OPCML: variants seen among roughly 807,000 people sequenced by gnomAD.
OPCML encodes the protein opioid-binding protein/cell adhesion molecule.
A neutral mutation model predicts 37.8 loss-of-function variants in OPCML; 13 were observed. The observed-to-expected ratio is 0.34, with a 90% CI of 0.22 to 0.55. The LOEUF (loss-of-function observed/expected upper bound fraction) is 0.55, where lower values mean the gene tolerates loss of function less well. OPCML is among the 20% of genes least tolerant of loss of function. The pLI is 0.91. For synonymous variants in OPCML, 176 were observed against 168.8 expected (o/e 1.04, Z -0.33); for missense variants, 341 against 435.6 (o/e 0.78, Z 1.93).
intron 1 of OPCML, among the ~76,000 whole-genome samples, chr11:133,013,734 G>T (rs1278628375): frequency 6.6e-6 from 1 of 152,200 alleles, no homozygotes; most frequent in Non-Finnish European, 1.5e-5. Context: ...GTATCCCACT[G>T]AATCCTCAAG....
intron 7 of OPCML, among the ~76,000 whole-genome samples, chr11:132,434,104 C>G (rs1218927280): frequency 1.3e-5 from 2 of 152,156 alleles, no homozygotes; most frequent in African/African-American, 4.8e-5. Context: ...AGCAATCCCA[C>G]CAACCATGGG....
chr11:133,489,565 G>A (rs1234092683), intron 1 of OPCML, among the ~76,000 whole-genome samples: 5 of 152,076 alleles, frequency 3.3e-5, no homozygotes, highest in Non-Finnish European at 7.4e-5. Context: ...TTATTAAAAA[G>A]TCAAAAAACA....
Position 133,422,402 on chromosome 11 carries a change from T to TGC in OPCML, c.61+109860_61+109861dup, listed in dbSNP as rs1555156363. On this transcript the variant is annotated intron_variant, in intron 1 of 7. Transcript: ENST00000524381. ...TTATATATATATATATATGTATATATGCGCCAGTTCAAACCCTTGCCCCAC... is the reference window on the plus strand; with the variant it reads ...TTATATATATATATATATGTATATATGCGCGCCAGTTCAAACCCTTGCCCCAC... The TGC allele has an allele frequency of 5.3e-6, 5 of 951,324 alleles. No individual in the cohort carries two copies. In the African/African-American group the frequency reaches 1.0e-4, roughly 20 times the overall value. The allele number at this position is 951,324 out of a possible 1,614,324, so 58.9% of individuals were successfully genotyped here. A position where few individuals can be genotyped will look rare whatever the true frequency, so the allele number is the denominator to read the frequency against.
intron 2 of OPCML, among the ~76,000 whole-genome samples, chr11:132,794,724 A>C (rs1480784283): frequency 6.6e-6 from 1 of 152,162 alleles, no homozygotes; most frequent in Admixed American, 6.5e-5. Flanking sequence ...TACCCATACA[A>C]AGATGTGACT....
intron 1 of OPCML, among the ~76,000 whole-genome samples, chr11:133,261,362 T>C (rs779648951): frequency 6.6e-6 from 1 of 152,236 alleles, no homozygotes; most frequent in Non-Finnish European, 1.5e-5. Flanking sequence ...CCCCCCCATC[T>C]TTCCAGTCTT....
intron 2 of OPCML, among the ~76,000 whole-genome samples, chr11:132,828,876 C>T (rs1486427674): frequency 6.6e-6 from 1 of 152,140 alleles, no homozygotes; most frequent in East Asian, 1.9e-4. Flanking sequence ...ACTGGCTGGC[C>T]GTGGGCTGGA....
In OPCML at chr11:133,206,869, T is replaced by G. The variant is rs921050891; in HGVS notation, c.62-263859A>C. ...ACAGCTACGGTGACCTATTCATGTC[T>G]TAGGACGGGTAGGTGGAGGGAGCCT... On this transcript the variant is annotated intron_variant, in intron 1 of 7. Transcript: ENST00000524381. This position sits in a 1 kb window ranked among gnomAD's most constrained non-coding sequence, Gnocchi z 4.7. Among the ~76,000 whole-genome samples, 9 of 152,176 alleles carry G rather than the reference T, an allele frequency of 5.9e-5. No individual in the cohort carries two copies. Among genetic ancestry groups the G allele is most frequent in the African/African-American group, 2.2e-4 (9 of 41,442 alleles).
chr11:132,970,691 A>G (rs1401447094), intron 1 of OPCML, among the ~76,000 whole-genome samples: 1 of 152,106 alleles, frequency 6.6e-6, no homozygotes, highest in African/African-American at 2.4e-5. Context: ...CTGTCTCCAT[A>G]TATACATTTT....
At chr11:132,589,828 G>A (rs776335730) in intron 3 of OPCML, among the ~76,000 whole-genome samples, 6 of 152,192 alleles carry the variant, frequency 3.9e-5, no homozygotes, top group Non-Finnish European at 8.8e-5. Context: ...ATTTTCCTTA[G>A]ATATTTTTTC....
At chr11:132,894,273 A>C (rs1247533317) in intron 2 of OPCML, among the ~76,000 whole-genome samples, 7 of 152,210 alleles carry the variant, frequency 4.6e-5, no homozygotes. Flanking sequence ...TTCTTGAAAT[A>C]GTATTCTTGA....
In OPCML at chr11:133,177,502, T is replaced by G. The variant is rs1371405075; in HGVS notation, c.62-234492A>C. ...CAAATAAACAAATCAAAATCCTGCT[T>G]CCTGATGGACAGGAAAGACTGCACC... On this transcript the variant is annotated intron_variant, in intron 1 of 7. Transcript: ENST00000524381. The surrounding 1 kb of genome is among the most constrained non-coding windows in gnomAD (Gnocchi z 5.0). 2.0e-5 allele frequency among the ~76,000 whole-genome samples: 3 copies of G among 152,204 alleles called. No individual in the cohort carries two copies. The highest frequency in any genetic ancestry group is 7.2e-5 in the African/African-American group (3 of 41,456).
intron 1 of OPCML, among the ~76,000 whole-genome samples, chr11:133,282,227 A>G (rs1942178431): frequency 6.6e-6 from 1 of 152,166 alleles, no homozygotes; most frequent in African/African-American, 2.4e-5. Context: ...CCAGAGGCTT[A>G]GGAGAAAATA....
intron 2 of OPCML, among the ~76,000 whole-genome samples, chr11:132,691,629 C>G (rs2135890676): frequency 6.6e-6 from 1 of 152,280 alleles, no homozygotes; most frequent in Non-Finnish European, 1.5e-5. Flanking sequence ...TGGGTAGTTT[C>G]AAGAATTCTG....
chr11:133,414,300 G>A (rs1945713952), intron 1 of OPCML, among the ~76,000 whole-genome samples: 1 of 152,060 alleles, frequency 6.6e-6, no homozygotes, highest in African/African-American at 2.4e-5. Flanking sequence ...GACCCTTTCT[G>A]AGATTTACCA....
intron 1 of OPCML, among the ~76,000 whole-genome samples, chr11:133,140,708 GGAAGAC>G (rs370032127): frequency 2.0e-4 from 6 of 29,806 alleles, no homozygotes; most frequent in Non-Finnish European, 5.6e-4. Context: ...AGAAGAAGAC[GGAAGAC>G]GAAGACGGAA....
chr11:132,477,633 T>C (rs940292212), intron 4 of OPCML, among the ~76,000 whole-genome samples: 2 of 152,128 alleles, frequency 1.3e-5, no homozygotes, highest in Non-Finnish European at 2.9e-5. Flanking sequence ...ACCTCCAACA[T>C]GAGGAATGGA....
At chr11:133,527,546 C>T (rs1227540990) in intron 1 of OPCML, among the ~76,000 whole-genome samples, 1 of 152,128 alleles carries the variant, frequency 6.6e-6, no homozygotes, top group African/African-American at 2.4e-5. Context: ...TATGATTCTA[C>T]CTTATCTTCT....
intron 1 of OPCML, among the ~76,000 whole-genome samples, chr11:133,256,945 C>G (rs1241378510): frequency 6.6e-6 from 1 of 152,144 alleles, no homozygotes; most frequent in East Asian, 1.9e-4. Flanking sequence ...TAGACCAGCT[C>G]TACAGTTAAA....
At chr11:132,503,281 T>C (rs1057265690) in intron 4 of OPCML, among the ~76,000 whole-genome samples, 2 of 152,130 alleles carry the variant, frequency 1.3e-5, no homozygotes, top group African/African-American at 4.8e-5. Context: ...ATCTCAAAGG[T>C]TCTCCTTGGT....
Sources: allele counts gnomAD v4.1 joint callset (sites outside exome capture counted in the v4.1 genomes callset), GRCh38; gene constraint gnomAD v4.1.1; non-coding constraint Gnocchi (gnomAD v3.1); transcripts MANE v1.5; gene names NCBI Gene and HGNC (gene_info 2026-07-23, HGNC 2026-07-21).